The following TMCO1 variants were observed in gnomAD, a reference collection of about 807,000 sequenced individuals.
The protein encoded by TMCO1 is transmembrane and coiled-coil domains 1.
In TMCO1, 29 loss-of-function variants were observed where a neutral mutation model predicts 29.3. The observed-to-expected ratio is 0.99, with a 90% confidence interval of 0.74 to 1.35. TMCO1 has a LOEUF of 1.35. Among genes scored for constraint, TMCO1 ranks in the 40% most tolerant of loss-of-function variants. The pLI is 0.00. For missense variants in TMCO1, 173 were observed against 225.5 expected, an observed-to-expected ratio of 0.77 and a Z score of 1.49; for synonymous variants, 80 against 77.1, an observed-to-expected ratio of 1.04 and a Z score of -0.20.
chr1:165,758,052 A>G (rs948650573), intron 3 of TMCO1, among the ~76,000 whole-genome samples: 1 of 152,044 alleles, frequency 6.6e-6, no homozygotes, highest in Non-Finnish European at 1.5e-5. Context: ...CTTCATCTAT[A>G]TGATCTGGCT....
chr1:165,757,775 A>G (rs1023232011), intron 3 of TMCO1, among the ~76,000 whole-genome samples: 4 of 152,180 alleles, frequency 2.6e-5, no homozygotes, highest in African/African-American at 7.2e-5. Flanking sequence ...TGGGATTACA[A>G]GCGTGAGCCA....
intron 2 of TMCO1, among the ~76,000 whole-genome samples, chr1:165,760,275 AC>A (rs1432698894): frequency 1.3e-5 from 2 of 152,098 alleles, no homozygotes; most frequent in African/African-American, 2.4e-5. Flanking sequence ...TAAAAAACAT[AC>A]AAAAATTAGC....
intron 2 of TMCO1, among the ~76,000 whole-genome samples, chr1:165,766,340 G>C (rs1652566819): frequency 6.6e-6 from 1 of 152,186 alleles, no homozygotes; most frequent in South Asian, 2.1e-4. Context: ...GTATTAAGAA[G>C]AGAGGGCCAC....
At chr1:165,725,040 A>T (rs763801433), downstream of TMCO1, 2,531 of 237,234 alleles carry the variant, frequency 0.011, 80 homozygotes, top group African/African-American at 0.063. Flanking sequence ...ATATATATAT[A>T]TATATATAAA....
chr1:165,743,249 G>C lies in TMCO1; in HGVS notation c.386C>G (p.Ser129Cys), dbSNP rs1207775141. The change falls in exon 6 of 7, where the codon TCT becomes TGT. Residue 129 changes from serine (S) to cysteine (C), a missense_variant. Transcript: ENST00000367881. ...FTPLSYIQGL[S>C]HRNLLGDDTT... is the part of the protein sequence containing the mutation. ...GTCATCTCCCAGCAGATTTCGATGAGACAGTCCTTGGATGTAAGAAAGAGG... is the reference window on the plus strand; with the variant it reads ...GTCATCTCCCAGCAGATTTCGATGACACAGTCCTTGGATGTAAGAAAGAGG... 6.2e-7 allele frequency: 1 copy of C among 1,613,060 alleles called. No individual in the cohort carries two copies. The highest frequency in any genetic ancestry group is 1.3e-5 in the African/African-American group (1 of 74,654).
Position 165,743,302 on chromosome 1 carries a change from A to G in TMCO1, c.333T>C (p.Gly111=). 6.2e-7 allele frequency: 1 copy of G among 1,611,966 alleles called. No homozygotes were observed. Among genetic ancestry groups the G allele is most frequent in the Non-Finnish European group, 8.5e-7 (1 of 1,179,188 alleles). The change falls in exon 6 of 7, where the codon GGT becomes GGC. Residue 111 remains glycine, a synonymous_variant. Coordinates refer to ENST00000367881, the MANE Select transcript of TMCO1 (RefSeq NM_019026.6). ...TAAAAGGAAGCTTTGCCACCACTCT[A>G]CCATCAAATCTAAAAGAAAAAAAAA... ...LMGMFNSIFD[G]RVVAKLPFTP...
chr1:165,764,224 A>G (rs928017214), intron 2 of TMCO1, among the ~76,000 whole-genome samples: 2 of 152,232 alleles, frequency 1.3e-5, no homozygotes, highest in Non-Finnish European at 1.5e-5. Flanking sequence ...ATTTTTCACA[A>G]AGAATATATG....
chr1:165,729,371 C>T (rs1651044526), intron 6 of TMCO1, among the ~76,000 whole-genome samples: 1 of 148,988 alleles, frequency 6.7e-6, no homozygotes, highest in African/African-American at 2.5e-5. Context: ...AGCTAGAGTA[C>T]AGTGGCACGA....
downstream of TMCO1, chr1:165,725,801 C>T: frequency 4.3e-6 from 2 of 461,336 alleles, no homozygotes; most frequent in South Asian, 3.1e-5. Context: ...AGTTTTATTT[C>T]CTCTGTAATA....
chr1:165,728,730 T>C (rs113187696), intron 6 of TMCO1, among the ~76,000 whole-genome samples: 5,183 of 152,156 alleles, frequency 0.034, 306 homozygotes, highest in African/African-American at 0.12. Flanking sequence ...GAATATTCAT[T>C]AGCTATTTCT....
At chr1:165,733,346 C>T (rs1651241140) in intron 6 of TMCO1, among the ~76,000 whole-genome samples, 1 of 152,054 alleles carries the variant, frequency 6.6e-6, no homozygotes, top group African/African-American at 2.4e-5. Flanking sequence ...TAGAAATATG[C>T]ATTTAGGCCA....
chr1:165,761,835 G>C (rs1652417557), intron 2 of TMCO1, among the ~76,000 whole-genome samples: 1 of 151,868 alleles, frequency 6.6e-6, no homozygotes, highest in African/African-American at 2.4e-5. Flanking sequence ...TGTGGTCCCA[G>C]CTACTCAGGA....
rs147474234 is a variant in TMCO1, at chr1:165,735,635, C to T, written c.469-7514G>A. On this transcript the variant is annotated intron_variant, in intron 6 of 6. Coordinates refer to ENST00000367881, the MANE Select transcript of TMCO1 (RefSeq NM_019026.6). ...GTTCAAGCGATTCTCATGCCTCAGC[C>T]TCCTGAGTATCTGGGATTACAGACA... Among the ~76,000 whole-genome samples, 519 of 151,990 alleles carry T rather than the reference C, an allele frequency of 3.4e-3. 5 individuals are homozygous for T. Among genetic ancestry groups the T allele is most frequent in the African/African-American group, 0.012 (490 of 41,444 alleles).
intron 2 of TMCO1, 53 bp from the exon 3 acceptor site, chr1:165,759,637 CAA>C: frequency 6.9e-7 from 1 of 1,455,994 alleles, no homozygotes; most frequent in Non-Finnish European, 9.6e-7. Context: ...ACTAAAGAAA[CAA>C]AGGATGCTTT....
intron 2 of TMCO1, among the ~76,000 whole-genome samples, chr1:165,766,181 G>C (rs1652558869): frequency 6.6e-6 from 1 of 152,204 alleles, no homozygotes; most frequent in Non-Finnish European, 1.5e-5. Flanking sequence ...TGGAAGGACA[G>C]AAATGCCATT....
chr1:165,724,923 A>G, downstream of TMCO1: 1 of 453,304 alleles, frequency 2.2e-6, no homozygotes, highest in Non-Finnish European at 4.4e-6. Context: ...GACACAAATT[A>G]GCTAGGAGCT....
At chr1:165,738,948 T>C (rs988305318) in intron 6 of TMCO1, among the ~76,000 whole-genome samples, 5 of 152,144 alleles carry the variant, frequency 3.3e-5, no homozygotes, top group African/African-American at 1.2e-4. Flanking sequence ...TTTTTTCTCA[T>C]GCGTGTCATG....
At chr1:165,752,910 T>C (rs550646116) in intron 4 of TMCO1, among the ~76,000 whole-genome samples, 1 of 152,330 alleles carries the variant, frequency 6.6e-6, no homozygotes, top group South Asian at 2.1e-4. Context: ...GGGGTGACTT[T>C]GTGGCCCAAT....
chr1:165,748,238 T>C (rs565524303), intron 5 of TMCO1, among the ~76,000 whole-genome samples: 2 of 152,166 alleles, frequency 1.3e-5, no homozygotes, highest in African/African-American at 4.8e-5. Context: ...ATTTAATCAG[T>C]AGCAGATAAT....
Sources: allele counts gnomAD v4.1 joint callset (sites outside exome capture counted in the v4.1 genomes callset), GRCh38; gene constraint gnomAD v4.1.1; transcripts MANE v1.5; gene names NCBI Gene and HGNC (gene_info 2026-07-23, HGNC 2026-07-21).